The following CADPS2 variants were observed in gnomAD, a reference collection of about 807,000 sequenced individuals.
The protein encoded by CADPS2 is calcium-dependent secretion activator 2.
CADPS2 carries 93 observed loss-of-function variants against 172.5 expected under a neutral mutation model. The ratio of observed to expected loss-of-function variants is 0.54; its 90% confidence interval spans 0.46 to 0.64. The LOEUF (loss-of-function observed/expected upper bound fraction) is 0.64, where lower values mean the gene tolerates loss of function less well. Among genes scored for constraint, CADPS2 ranks in the 30% least tolerant of loss-of-function variants. The pLI is 0.00. For missense variants in CADPS2, 1,420 were observed against 1,565.9 expected (o/e 0.91, Z 1.57); for synonymous variants, 546 against 555.2 (o/e 0.98, Z 0.23).
intron 8 of CADPS2, among the ~76,000 whole-genome samples, chr7:122,522,926 A>G (rs1303648175): frequency 6.6e-6 from 1 of 152,206 alleles, no homozygotes; most frequent in Non-Finnish European, 1.5e-5. Flanking sequence ...ATAGCTACAT[A>G]GTATTCCATT....
rs201915652 is a variant in CADPS2 at position 122,319,933 on chromosome 7, G to C, written c.*232C>G. 2.5e-6 allele frequency: 1 copy of C among 404,220 alleles called. No individual in the cohort carries two copies. The highest frequency in any genetic ancestry group is 4.3e-6 in the Non-Finnish European group (1 of 232,474). The allele number at this position is 404,220 out of a possible 1,614,324, so 25.0% of individuals were successfully genotyped here. ...TTTTTAGGTCAAACTACACAAAAGAGGATGCTCTTCTCCAAAAAAACAAAC... is the reference window on the plus strand; with the variant it reads ...TTTTTAGGTCAAACTACACAAAAGACGATGCTCTTCTCCAAAAAAACAAAC... On this transcript the variant is annotated 3_prime_UTR_variant, in exon 30 of 30. Transcript: ENST00000449022.
At chr7:122,461,039 C>G (rs2054374912) in intron 14 of CADPS2, among the ~76,000 whole-genome samples, 1 of 152,134 alleles carries the variant, frequency 6.6e-6, no homozygotes, top group South Asian at 2.1e-4. Flanking sequence ...ATAGTTGTAA[C>G]AGAGACTACA....
chr7:122,323,626 T>G (rs1465376106), intron 29 of CADPS2, among the ~76,000 whole-genome samples: 1 of 151,804 alleles, frequency 6.6e-6, no homozygotes, highest in Non-Finnish European at 1.5e-5. Context: ...AAATGAGGAA[T>G]AACTTTGAAA....
intron 28 of CADPS2, among the ~76,000 whole-genome samples, chr7:122,344,097 C>T (rs190308196): frequency 1.7e-4 from 26 of 152,264 alleles, no homozygotes; most frequent in African/African-American, 6.0e-4. Context: ...TGACAGTGAA[C>T]ACTGACACGA....
intron 3 of CADPS2, among the ~76,000 whole-genome samples, chr7:122,640,514 A>C (rs1020143813): frequency 6.6e-6 from 1 of 152,004 alleles, no homozygotes. Context: ...GAGAGAGAGA[A>C]AAAAAAAGAA....
At chr7:122,520,508 C>T (rs985467166) in intron 8 of CADPS2, among the ~76,000 whole-genome samples, 2 of 151,820 alleles carry the variant, frequency 1.3e-5, no homozygotes, top group Admixed American at 1.3e-4. Context: ...AACTCATTTT[C>T]TGATTAAAAA....
At chr7:122,714,885 T>C (rs1378202360) in intron 2 of CADPS2, among the ~76,000 whole-genome samples, 2 of 152,130 alleles carry the variant, frequency 1.3e-5, no homozygotes, top group Admixed American at 6.6e-5. Flanking sequence ...TGCAGTGAAG[T>C]AGACACTATC....
chr7:122,650,072 C>T lies in CADPS2; in HGVS notation c.786+13165G>A, dbSNP rs1335041608. 2.0e-5 allele frequency among the ~76,000 whole-genome samples: 3 copies of T among 150,954 alleles called. No individual in the cohort carries two copies. The East Asian group carries it at 5.9e-4, about 30-fold the overall frequency. On this transcript the variant is annotated intron_variant, in intron 3 of 29. Coordinates refer to ENST00000449022, the MANE Select transcript of CADPS2 (RefSeq NM_017954.11). ...TACATGCGCGTGCCACCACACCTGG[C>T]TAATTTTTTTGTATTTTTAGTAGAG...
At chr7:122,642,311 C>T (rs2077747421) in intron 3 of CADPS2, among the ~76,000 whole-genome samples, 1 of 151,264 alleles carries the variant, frequency 6.6e-6, no homozygotes, top group Admixed American at 6.6e-5. Flanking sequence ...AATTAATGAC[C>T]TAATGTAACA....
At chr7:122,552,640 C>G (rs1310913757) in intron 8 of CADPS2, among the ~76,000 whole-genome samples, 1 of 151,996 alleles carries the variant, frequency 6.6e-6, no homozygotes, top group African/African-American at 2.4e-5. Context: ...CCCACTGGAG[C>G]TAAAGGTTAC....
At chr7:122,649,111 T>A (rs2078868719) in intron 3 of CADPS2, among the ~76,000 whole-genome samples, 1 of 151,484 alleles carries the variant, frequency 6.6e-6, no homozygotes, top group South Asian at 2.1e-4. Flanking sequence ...TTTGATCTAG[T>A]ATATAAGGCC....
chr7:122,541,746 TACATATATTCATATATTTATATATTC>T (rs1253314564), intron 8 of CADPS2, among the ~76,000 whole-genome samples: 12 of 145,148 alleles, frequency 8.3e-5, no homozygotes, highest in Non-Finnish European at 1.4e-4. Context: ...TTCATATATT[TACATATATTCATATATTTATATATTC>T]ACATATATTC....
At chr7:122,849,771 C>G (rs1388222559) in intron 1 of CADPS2, 5 of 463,056 alleles carry the variant, frequency 1.1e-5, no homozygotes, top group Non-Finnish European at 2.1e-5. Flanking sequence ...AAAAACTGTC[C>G]CCAAGCCAGC....
At chr7:122,392,642 A>G (rs979360854) in intron 22 of CADPS2, among the ~76,000 whole-genome samples, 2 of 152,168 alleles carry the variant, frequency 1.3e-5, no homozygotes, top group African/African-American at 4.8e-5. Flanking sequence ...ATTTAAAAAT[A>G]CCAAGATGTA....
chr7:122,383,942 T>G (rs1023449969), intron 24 of CADPS2, among the ~76,000 whole-genome samples: 12 of 152,134 alleles, frequency 7.9e-5, no homozygotes, highest in Non-Finnish European at 1.3e-4. Context: ...TGTTTTCACC[T>G]TCATCCTCAA....
At chr7:122,600,922 C>G (rs903945046) in intron 6 of CADPS2, among the ~76,000 whole-genome samples, 1 of 152,024 alleles carries the variant, frequency 6.6e-6, no homozygotes, top group Non-Finnish European at 1.5e-5. Flanking sequence ...TCAGAGGGAA[C>G]AGCTAAAGTT....
At chr7:122,740,717 A>T (rs2092421983) in intron 1 of CADPS2, among the ~76,000 whole-genome samples, 1 of 152,170 alleles carries the variant, frequency 6.6e-6, no homozygotes, top group Admixed American at 6.5e-5. Flanking sequence ...AAAATACCAT[A>T]GGCAAAATAG....
chr7:122,380,851 T>G (rs1473974799), intron 24 of CADPS2, among the ~76,000 whole-genome samples: 2 of 152,080 alleles, frequency 1.3e-5, no homozygotes, highest in Non-Finnish European at 2.9e-5. Flanking sequence ...TAAATGGAAT[T>G]GAAACATAGA....
At chr7:122,664,953 G>C (rs1401446940) in intron 2 of CADPS2, among the ~76,000 whole-genome samples, 1 of 116,548 alleles carries the variant, frequency 8.6e-6, no homozygotes, top group East Asian at 2.6e-4. Context: ...GCCTGGGCTA[G>C]TTTTTGTATT....
Sources: allele counts gnomAD v4.1 joint callset (sites outside exome capture counted in the v4.1 genomes callset), GRCh38; gene constraint gnomAD v4.1.1; transcripts MANE v1.5; gene names NCBI Gene and HGNC (gene_info 2026-07-23, HGNC 2026-07-21).